Variants in ZBBX observed in about 807,000 individuals in gnomAD.
ZBBX encodes the protein zinc finger B-box domain containing.
A neutral mutation model predicts 108.5 loss-of-function variants in ZBBX; 101 were observed. That is an observed-to-expected ratio of 0.93 (90% CI 0.79 to 1.10). The LOEUF (loss-of-function observed/expected upper bound fraction) is 1.10, where lower values mean the gene tolerates loss of function less well. Among genes scored for constraint, ZBBX ranks in the 50% least tolerant of loss-of-function variants. ZBBX has a pLI of 0.00. For missense variants in ZBBX, 1,009 were observed against 941.4 expected (o/e 1.07, Z -0.94); for synonymous variants, 356 against 323.4 (o/e 1.10, Z -1.08).
At chr3:167,378,209 G>T (rs1172528491) in intron 2 of ZBBX, among the ~76,000 whole-genome samples, 2 of 152,110 alleles carry the variant, frequency 1.3e-5, no homozygotes, top group Non-Finnish European at 2.9e-5. Flanking sequence ...ACTTCAGGTT[G>T]CATTCAATCT....
chr3:167,201,650 C>A, the ZBBX span, among the ~76,000 whole-genome samples: 1 of 152,006 alleles, frequency 6.6e-6, no homozygotes. Context: ...TGTAAATCAC[C>A]AATTTCTAGA....
intron 19 of ZBBX, among the ~76,000 whole-genome samples, chr3:167,285,482 T>TTTTCTTAGAAAATACA (rs1729544978): frequency 6.6e-6 from 1 of 152,088 alleles, no homozygotes; most frequent in Non-Finnish European, 1.5e-5. Flanking sequence ...TAGAAATGTA[T>TTTTCTTAGAAAATACA]TTTCTAAGAA....
chr3:167,365,627 AAT>A (rs1745198675), intron 6 of ZBBX, among the ~76,000 whole-genome samples: 1 of 151,784 alleles, frequency 6.6e-6, no homozygotes, highest in Non-Finnish European at 1.5e-5. Flanking sequence ...ATCCACACTG[AAT>A]GGAAAAATTC....
intron 18 of ZBBX, among the ~76,000 whole-genome samples, chr3:167,296,802 AAAGTG>A (rs1731763520): frequency 2.6e-5 from 4 of 152,120 alleles, no homozygotes; most frequent in Admixed American, 1.3e-4. Flanking sequence ...AATGTTACCC[AAAGTG>A]ATCTACACAT....
chr3:167,392,810 T>C (rs1039406044), intron 1 of ZBBX: 1 of 151,864 alleles, frequency 6.6e-6, no homozygotes, highest in Non-Finnish European at 1.5e-5. Flanking sequence ...TGGATGTTAA[T>C]GCTATTAACT....
At chr3:167,262,283 G>C (rs544695133) in intron 20 of ZBBX, among the ~76,000 whole-genome samples, 2 of 152,246 alleles carry the variant, frequency 1.3e-5, no homozygotes, top group East Asian at 3.9e-4. Flanking sequence ...AGGATTTCTG[G>C]TTTGCTCTTG....
the ZBBX span, among the ~76,000 whole-genome samples, chr3:167,193,853 G>A: frequency 6.6e-6 from 1 of 152,112 alleles, no homozygotes; most frequent in South Asian, 2.1e-4. Context: ...TGGTTATTAT[G>A]TTAAATGAAA....
intron 6 of ZBBX, among the ~76,000 whole-genome samples, chr3:167,365,577 T>A (rs573811138): frequency 6.0e-4 from 91 of 151,872 alleles, no homozygotes; most frequent in Admixed American, 3.9e-4. Context: ...TTCACCTTAG[T>A]TTAGAAGTAT....
At chr3:167,370,528 C>T (rs1746003613) in intron 4 of ZBBX, among the ~76,000 whole-genome samples, 1 of 152,164 alleles carries the variant, frequency 6.6e-6, no homozygotes, top group Non-Finnish European at 1.5e-5. Flanking sequence ...ATGATTGTGT[C>T]ACTCATTTGC....
chr3:167,347,990 T>C lies in ZBBX; in HGVS notation c.528+2430A>G, dbSNP rs1420058304. 2.0e-5 allele frequency among the ~76,000 whole-genome samples: 3 copies of C among 152,018 alleles called. No individual in the cohort carries two copies. The East Asian group carries it at 5.8e-4, about 29-fold the overall frequency. ...AGCTCTTTGATTTGTGTACATATTA[T>C]GTAATCCATGTATGCTAACTTTTAG... is the stretch of plus-strand genomic sequence containing the variant. On this transcript the variant is annotated intron_variant, in intron 9 of 21. Transcript: ENST00000675490.
chr3:167,303,141 T>A (rs1169126558), intron 17 of ZBBX, among the ~76,000 whole-genome samples: 1 of 152,220 alleles, frequency 6.6e-6, no homozygotes, highest in African/African-American at 2.4e-5. Context: ...TATTTTTCCT[T>A]TGATGCATTT....
chr3:167,352,493 T>C (rs771830764), intron 8 of ZBBX, among the ~76,000 whole-genome samples: 1 of 151,652 alleles, frequency 6.6e-6, no homozygotes, highest in Non-Finnish European at 1.5e-5. Context: ...GTAATAAAAA[T>C]TTTCCCAACA....
intron 5 of ZBBX, chr3:167,366,778 AC>A (rs1187583168): frequency 2.2e-6 from 1 of 451,564 alleles, no homozygotes; most frequent in South Asian, 1.6e-5. Context: ...AGAAAAACTC[AC>A]TATCAGGGCT....
chr3:167,381,923 G>A (rs1466441858), upstream of ZBBX, among the ~76,000 whole-genome samples: 14 of 152,158 alleles, frequency 9.2e-5, no homozygotes, highest in Non-Finnish European at 2.1e-4. Flanking sequence ...GATGGCCAGG[G>A]AAGTATCTGA....
chr3:167,190,676 G>A, the ZBBX span, among the ~76,000 whole-genome samples: 2 of 152,182 alleles, frequency 1.3e-5, no homozygotes, highest in African/African-American at 2.4e-5. Context: ...CACCGCGTCC[G>A]GCCCATGTTT....
chr3:167,387,902 G>A (rs965599608), intron 1 of ZBBX, among the ~76,000 whole-genome samples: 12 of 151,952 alleles, frequency 7.9e-5, no homozygotes, highest in Non-Finnish European at 1.0e-4. Context: ...TTCAAACTAC[G>A]CTGAATTAAG....
At chr3:167,289,543 A>G (rs112990887) in intron 18 of ZBBX, among the ~76,000 whole-genome samples, 2,435 of 152,318 alleles carry the variant, frequency 0.016, 65 homozygotes, top group African/African-American at 0.054. Flanking sequence ...GGAAGCCATT[A>G]GGGACTGTAA....
chr3:167,310,927 T>G (rs1734472759), intron 16 of ZBBX, among the ~76,000 whole-genome samples: 1 of 152,182 alleles, frequency 6.6e-6, no homozygotes, highest in Admixed American at 6.6e-5. Flanking sequence ...CCCAACTTGA[T>G]CTATAGATTC....
chr3:167,347,888 A>C (rs1006650789), intron 9 of ZBBX, among the ~76,000 whole-genome samples: 2 of 152,046 alleles, frequency 1.3e-5, no homozygotes, highest in African/African-American at 2.4e-5. Context: ...TCTTTATTGT[A>C]TTTAACTTTA....
Sources: gnomAD v4.1 joint callset for allele counts (sites outside exome capture counted in the v4.1 genomes callset) on GRCh38, gnomAD v4.1.1 for gene constraint, MANE v1.5 for transcripts, NCBI Gene and HGNC (gene_info 2026-07-23, HGNC 2026-07-21) for gene names.